The following TCF4 variants were observed in gnomAD, a reference collection of about 807,000 sequenced individuals.
TCF4 encodes transcription factor 4, also known as SL3-3 enhancer factor 2.
In TCF4, 3 loss-of-function variants were observed where a neutral mutation model predicts 82.1. That is an observed-to-expected ratio of 0.04 (90% CI 0.02 to 0.09). The LOEUF (loss-of-function observed/expected upper bound fraction) is 0.09, where lower values mean the gene tolerates loss of function less well. TCF4 is among the 10% of genes least tolerant of loss of function. TCF4 has a pLI of 1.00. For synonymous variants in TCF4, 276 were observed against 309.6 expected, an observed-to-expected ratio of 0.89 and a Z score of 1.14; for missense variants, 518 against 852.7, an observed-to-expected ratio of 0.61 and a Z score of 4.89.
upstream of TCF4, among the ~76,000 whole-genome samples, chr18:55,590,580 A>C (rs1568477238): frequency 6.6e-6 from 1 of 152,246 alleles, no homozygotes; most frequent in Non-Finnish European, 1.5e-5. Context: ...GATACAGATA[A>C]AGATGAAGCC....
At chr18:55,328,066 T>C (rs572106114) in intron 8 of TCF4, among the ~76,000 whole-genome samples, 1 of 152,314 alleles carries the variant, frequency 6.6e-6, no homozygotes, top group South Asian at 2.1e-4. Flanking sequence ...AATAGCATTA[T>C]GTGATATGGC....
chr18:55,538,384 G>A (rs1343844124), intron 3 of TCF4, among the ~76,000 whole-genome samples: 1 of 152,088 alleles, frequency 6.6e-6, no homozygotes, highest in African/African-American at 2.4e-5. Flanking sequence ...AAAAGACTAG[G>A]ATCCTTTCAA....
chr18:55,594,374 AG>A (rs1485438956), intron 2 of TCF4, among the ~76,000 whole-genome samples: 12 of 152,308 alleles, frequency 7.9e-5, no homozygotes, highest in African/African-American at 2.4e-4. Flanking sequence ...CTCCCTCATC[AG>A]ACTGTAGACT....
At chr18:55,400,704 T>C in intron 6 of TCF4, 1 of 194,120 alleles carries the variant, frequency 5.2e-6, no homozygotes, top group South Asian at 9.5e-5. Context: ...TAACTTGATA[T>C]ATTTCTGAAA....
At chr18:55,597,161 A>T (rs1046706414) in intron 2 of TCF4, among the ~76,000 whole-genome samples, 11 of 152,138 alleles carry the variant, frequency 7.2e-5, no homozygotes, top group African/African-American at 2.7e-4. Context: ...AGCCTGTGGA[A>T]CTGTGAGTCA....
At chr18:55,463,987 A>T (rs1297461772) in intron 4 of TCF4, 89 bp downstream of exon 4, 24 of 1,168,820 alleles carry the variant, frequency 2.1e-5, no homozygotes, top group South Asian at 1.1e-4. Context: ...TGAGAGAGAG[A>T]GAGAGAGAGA....
chr18:55,390,310 A>AG (rs2092974393), intron 6 of TCF4, among the ~76,000 whole-genome samples: 1 of 147,078 alleles, frequency 6.8e-6, no homozygotes, highest in Non-Finnish European at 1.5e-5. Context: ...AAAAAAAAAA[A>AG]GAAAGAAAGA....
intron 2 of TCF4, among the ~76,000 whole-genome samples, chr18:55,616,058 C>T (rs2097711481): frequency 6.6e-6 from 1 of 152,068 alleles, no homozygotes; most frequent in South Asian, 2.1e-4. Context: ...AAACTCAATG[C>T]TGTACAACAG....
chr18:55,229,393 A>C, intron 17 of TCF4: 1 of 414,278 alleles, frequency 2.4e-6, no homozygotes, highest in South Asian at 2.1e-5. Context: ...TTTTTTATTC[A>C]ATGGGGTTAC....
intron 3 of TCF4, among the ~76,000 whole-genome samples, chr18:55,502,625 AG>A: frequency 6.6e-6 from 1 of 152,196 alleles, no homozygotes; most frequent in Non-Finnish European, 1.5e-5. Flanking sequence ...TAGACAATAT[AG>A]GGGCACATAA....
At chr18:55,475,405 T>G (rs2096269995) in intron 3 of TCF4, among the ~76,000 whole-genome samples, 1 of 152,176 alleles carries the variant, frequency 6.6e-6, no homozygotes, top group South Asian at 2.1e-4. Flanking sequence ...CTTGATGGCA[T>G]GTTGGTCTGC....
chr18:55,255,734 G>C (rs1472101251), intron 14 of TCF4, among the ~76,000 whole-genome samples: 1 of 152,092 alleles, frequency 6.6e-6, no homozygotes, highest in East Asian at 1.9e-4. Context: ...GACACAAAGT[G>C]AATTAGTTAC....
intron 3 of TCF4, among the ~76,000 whole-genome samples, chr18:55,577,150 T>G (rs896661114): frequency 6.9e-6 from 1 of 144,908 alleles, no homozygotes. Context: ...ATTTATATAT[T>G]TATATATGTA....
Position 55,588,078 on chromosome 18 carries a change from C to A in TCF4, c.-61G>T. 1 of 994,922 alleles carries A rather than the reference C, an allele frequency of 1.0e-6. No individual in the cohort carries two copies. Among genetic ancestry groups the A allele is most frequent in the Non-Finnish European group, 1.2e-6 (1 of 838,216 alleles). 61.6% of individuals were successfully genotyped at this position (994,922 alleles called of 1,614,324 possible). On this transcript the variant is annotated 5_prime_UTR_variant, in exon 1 of 20. Coordinates refer to ENST00000354452, the MANE Select transcript of TCF4 (RefSeq NM_001083962.2). ...AGGGGCTCTCCGTGCACCGCCGGCG[C>A]CGAGGCGGCGTTCATGTCTAACCGC... is the stretch of plus-strand genomic sequence containing the variant.
At chr18:55,630,583 A>G (rs921374431) in intron 2 of TCF4, among the ~76,000 whole-genome samples, 12 of 152,238 alleles carry the variant, frequency 7.9e-5, no homozygotes, top group African/African-American at 2.9e-4. Flanking sequence ...AACATTCAAT[A>G]TGGCTCATTT....
intron 5 of TCF4, among the ~76,000 whole-genome samples, chr18:55,412,483 C>T (rs1220024966): frequency 3.3e-5 from 5 of 152,188 alleles, no homozygotes; most frequent in South Asian, 4.2e-4. Context: ...TGGCCCGCTG[C>T]TCTGAAAGCA....
At chr18:55,459,754 G>T (rs1312835343) in intron 5 of TCF4, among the ~76,000 whole-genome samples, 6 of 152,180 alleles carry the variant, frequency 3.9e-5, no homozygotes, top group African/African-American at 1.2e-4. Flanking sequence ...AAAGAACTGG[G>T]ATTCCTGCTT....
intron 5 of TCF4, among the ~76,000 whole-genome samples, chr18:55,426,099 T>TTA (rs35262105): frequency 0.04 from 5,581 of 139,046 alleles, 172 homozygotes; most frequent in African/African-American, 0.074. Flanking sequence ...ACAAAAAATT[T>TTA]TATATATATA....
At chr18:55,354,328 T>G (rs973880128) in intron 6 of TCF4, among the ~76,000 whole-genome samples, 1 of 152,176 alleles carries the variant, frequency 6.6e-6, no homozygotes, top group African/African-American at 2.4e-5. Context: ...TCAATTAAAA[T>G]TTTGTTGTTT....
Sources: gnomAD v4.1 joint callset for allele counts (sites outside exome capture counted in the v4.1 genomes callset) on GRCh38, gnomAD v4.1.1 for gene constraint, MANE v1.5 for transcripts, NCBI Gene and HGNC (gene_info 2026-07-23, HGNC 2026-07-21) for gene names.